Variants in BSN observed in about 807,000 individuals in gnomAD.
The protein encoded by BSN is bassoon presynaptic cytomatrix protein.
Under a neutral mutation model 264.8 loss-of-function variants are expected in BSN, and 57 were observed. The observed-to-expected ratio is 0.22, with a 90% confidence interval of 0.17 to 0.27. BSN has a LOEUF of 0.27. BSN is among the 10% of genes least tolerant of loss of function. BSN has a pLI of 1.00. For synonymous variants in BSN, 2,059 were observed against 2,137.3 expected (o/e 0.96, Z 1.01); for missense variants, 4,615 against 5,232.5 (o/e 0.88, Z 3.64).
In BSN at chr3:49,651,602, C is replaced by G; in HGVS notation, c.2046C>G (p.Asp682Glu). The G allele has an allele frequency of 6.2e-7, 1 of 1,613,104 alleles. No homozygotes were observed. The highest frequency in any genetic ancestry group is 8.5e-7 in the Non-Finnish European group (1 of 1,179,442). ...DASRSPQSLSDTGYSSDGISS... is the reference protein window; with the variant it reads ...DASRSPQSLSETGYSSDGISS... ...CTCGGAGCCCACAGAGCCTCAGTGA[C>G]ACAGGCTATTCCTCTGACGGCATCT... The change falls in exon 5 of 12, where the codon GAC becomes GAG. Residue 682 changes from aspartate (D) to glutamate (E), a missense_variant. Transcript: ENST00000296452. This position sits in a 1 kb window ranked among gnomAD's most constrained non-coding sequence, Gnocchi z 5.4.
Position 49,662,441 on chromosome 3 carries a change from C to T in BSN, c.10596C>T (p.Cys3532=), listed in dbSNP as rs756358340. The change falls in exon 6 of 12, where the codon TGC becomes TGT. Residue 3532 remains cysteine (C), a synonymous_variant. Transcript: ENST00000296452. Reference sequence around the variant, plus strand: ...GCGGGGATACCTGCCCACAGTTCTGCTCCAGCCACTCCATGCCTGATGTCC... The same window carrying T: ...GCGGGGATACCTGCCCACAGTTCTGTTCCAGCCACTCCATGCCTGATGTCC... The part of the protein sequence containing the change: ...PPGGDTCPQF[C]SSHSMPDVQE... 1 of 1,613,508 alleles carries T rather than the reference C, an allele frequency of 6.2e-7. No homozygotes were observed. Among genetic ancestry groups the T allele is most frequent in the Non-Finnish European group, 8.5e-7 (1 of 1,180,020 alleles).
rs1430825117 is a variant in BSN at position 49,651,308 on chromosome 3, T to A, written c.1986+229T>A. ...GCACCTTGTCAGATGCTTTGCTGGG[T>A]TTTGATACCCTTTGATCTAGTAAAG... On this transcript the variant is annotated intron_variant, in intron 4 of 11. Transcript: ENST00000296452. This position sits in a 1 kb window ranked among gnomAD's most constrained non-coding sequence, Gnocchi z 5.4. 1 of 634,444 alleles carries A rather than the reference T, an allele frequency of 1.6e-6. No homozygotes were observed. The highest frequency in any genetic ancestry group is 2.8e-5 in the East Asian group (1 of 35,098). The allele number at this position is 634,444 out of a possible 1,614,324, so 39.3% of individuals were successfully genotyped here. A position where few individuals can be genotyped will look rare whatever the true frequency, so the allele number is the denominator to read the frequency against.
rs1471008191 is a variant in BSN at position 49,657,614 on chromosome 3, A to G, written c.8058A>G (p.Pro2686=). 1 of 1,606,760 alleles carries G rather than the reference A, an allele frequency of 6.2e-7. No homozygotes were observed. Among genetic ancestry groups the G allele is most frequent in the Non-Finnish European group, 8.5e-7 (1 of 1,175,300 alleles). Residue 2686 remains proline (P), a synonymous_variant, in exon 5 of 12, where the codon CCA becomes CCG. Transcript: ENST00000296452. ...TEPDQLPRVS[P]AIHITAATDP... is the part of the protein sequence containing the mutation. ...CTGACCAGCTGCCCAGGGTCTCTCCAGCCATCCACATCACAGCTGCCACCG... is the reference window on the plus strand; with the variant it reads ...CTGACCAGCTGCCCAGGGTCTCTCCGGCCATCCACATCACAGCTGCCACCG...
intron 1 of BSN, among the ~76,000 whole-genome samples, chr3:49,576,501 A>G (rs2051846523): frequency 6.6e-6 from 1 of 150,928 alleles, no homozygotes; most frequent in African/African-American, 2.4e-5. Context: ...GCTCACTGCA[A>G]CCTCCATCTC....
At chr3:49,624,362 G>A (rs1198321026) in intron 1 of BSN, among the ~76,000 whole-genome samples, 3 of 142,398 alleles carry the variant, frequency 2.1e-5, no homozygotes, top group African/African-American at 7.8e-5. Context: ...TCAGTGGCAC[G>A]ATCTCTGCTC....
chr3:49,584,592 A>G (rs1335558026), intron 1 of BSN, among the ~76,000 whole-genome samples: 1 of 152,106 alleles, frequency 6.6e-6, no homozygotes, highest in African/African-American at 2.4e-5. Flanking sequence ...AGAATGGGGT[A>G]TCCATCCCCT....
intron 1 of BSN, among the ~76,000 whole-genome samples, chr3:49,612,962 G>A (rs7614725): frequency 0.29 from 43,550 of 151,864 alleles, 6,741 homozygotes; most frequent in Middle Eastern, 0.31. Context: ...GAGAAACCCC[G>A]TCTCTACTAA....
chr3:49,583,806 C>T (rs900391119), intron 1 of BSN, among the ~76,000 whole-genome samples: 11 of 152,046 alleles, frequency 7.2e-5, no homozygotes, highest in Non-Finnish European at 8.8e-5. Flanking sequence ...TGGAATTTGT[C>T]AATTTCATCT....
intron 11 of BSN, among the ~76,000 whole-genome samples, chr3:49,666,413 C>T (rs1483454190): frequency 1.3e-5 from 2 of 152,218 alleles, no homozygotes; most frequent in Non-Finnish European, 2.9e-5. Context: ...CTTCCAGGAT[C>T]TGGGGATATG....
At position 49,652,738 on chromosome 3, in the gene BSN, A is replaced by G; in HGVS notation, c.3182A>G (p.Glu1061Gly). ...ELLREQEKMR[E>G]VEQQRIRSTA... ...CTTCGTGAGCAAGAGAAGATGCGGG[A>G]GGTGGAGCAGCAGCGCATCCGCAGC... The change falls in exon 5 of 12, where the codon GAG (glutamate) becomes GGG (glycine). Residue 1061 changes from glutamate to glycine, a missense_variant. Glu to Gly is a moderately conservative substitution (Grantham distance 98). Transcript: ENST00000296452. 6.4e-7 allele frequency: 1 copy of G among 1,561,000 alleles called. No homozygotes were observed. Among genetic ancestry groups the G allele is most frequent in the Non-Finnish European group, 8.7e-7 (1 of 1,153,482 alleles).
At chr3:49,596,602 G>T (rs2052024845) in intron 1 of BSN, among the ~76,000 whole-genome samples, 1 of 152,088 alleles carries the variant, frequency 6.6e-6, no homozygotes, top group South Asian at 2.1e-4. Context: ...CAATCCTCCT[G>T]CCTCGGCCTC....
At chr3:49,587,086 T>C (rs568306780) in intron 1 of BSN, among the ~76,000 whole-genome samples, 27 of 152,344 alleles carry the variant, frequency 1.8e-4, no homozygotes, top group African/African-American at 6.0e-4. Flanking sequence ...ATTTAATTCT[T>C]CAGTGTTTCA....
At chr3:49,615,515 C>T (rs535021869) in intron 1 of BSN, among the ~76,000 whole-genome samples, 18 of 152,282 alleles carry the variant, frequency 1.2e-4, no homozygotes, top group Non-Finnish European at 2.2e-4. Context: ...ATGTCGGCCT[C>T]AAGGGAGCTC....
intron 1 of BSN, among the ~76,000 whole-genome samples, chr3:49,611,821 C>T (rs1044253697): frequency 2.6e-5 from 4 of 152,168 alleles, no homozygotes; most frequent in African/African-American, 9.6e-5. Flanking sequence ...TCTGGAGAGT[C>T]TAGGAGATCA....
In BSN at chr3:49,655,832, C is replaced by T; in HGVS notation, c.6276C>T (p.Ala2092=). Residue 2092 remains alanine (A), a synonymous_variant, in exon 5 of 12, where the codon GCC becomes GCT. Coordinates refer to ENST00000296452, the MANE Select transcript of BSN (RefSeq NM_003458.4). The part of the protein sequence containing the change: ...FQEASLAQYS[A]TTAREISRMC... Reference sequence around the variant, plus strand: ...AGGCCAGCCTGGCCCAGTACAGTGCCACCACAGCCCGTGAAATCAGTCGCA... The same window carrying T: ...AGGCCAGCCTGGCCCAGTACAGTGCTACCACAGCCCGTGAAATCAGTCGCA... 6.2e-7 allele frequency: 1 copy of T among 1,613,368 alleles called. No individual in the cohort carries two copies. Among genetic ancestry groups the T allele is most frequent in the Non-Finnish European group, 8.5e-7 (1 of 1,180,030 alleles).
intron 1 of BSN, among the ~76,000 whole-genome samples, chr3:49,566,380 C>T (rs2051752206): frequency 6.6e-6 from 1 of 152,144 alleles, no homozygotes; most frequent in African/African-American, 2.4e-5. Flanking sequence ...AGATCTAGAT[C>T]AGAATAGATT....
intron 2 of BSN, among the ~76,000 whole-genome samples, chr3:49,636,805 G>A (rs531768766): frequency 6.6e-6 from 1 of 152,252 alleles, no homozygotes; most frequent in Non-Finnish European, 1.5e-5. Context: ...ACAGTAAGGT[G>A]CTAGATGGGG....
In BSN at chr3:49,653,753, T is replaced by C. The variant is rs2052566143; in HGVS notation, c.4197T>C (p.Thr1399=). 1 of 1,613,724 alleles carries C rather than the reference T, an allele frequency of 6.2e-7. No homozygotes were observed. Among genetic ancestry groups the C allele is most frequent in the East Asian group, 2.2e-5 (1 of 44,848 alleles). The part of the protein sequence containing the change: ...CPAGLPRGYM[T]PASPAGSERS... Reference sequence around the variant, plus strand: ...CTGGGCTGCCACGAGGATATATGACTCCAGCCTCCCCAGCAGGCTCCGAGC... The same window carrying C: ...CTGGGCTGCCACGAGGATATATGACCCCAGCCTCCCCAGCAGGCTCCGAGC... Residue 1399 remains threonine, a synonymous_variant, in exon 5 of 12, where the codon ACT becomes ACC. Coordinates refer to ENST00000296452, the MANE Select transcript of BSN (RefSeq NM_003458.4). This position sits in a 1 kb window ranked among gnomAD's most constrained non-coding sequence, Gnocchi z 6.3.
At chr3:49,561,996 C>A (rs1400177851) in intron 1 of BSN, among the ~76,000 whole-genome samples, 2 of 152,056 alleles carry the variant, frequency 1.3e-5, no homozygotes, top group Non-Finnish European at 2.9e-5. Flanking sequence ...TTAGTAGAGA[C>A]TGGGTTTCAC....
Sources: gnomAD v4.1 joint callset for allele counts (sites outside exome capture counted in the v4.1 genomes callset) on GRCh38, gnomAD v4.1.1 for gene constraint, Gnocchi (gnomAD v3.1) non-coding constraint, MANE v1.5 for transcripts, NCBI Gene and HGNC (gene_info 2026-07-23, HGNC 2026-07-21) for gene names.